Variants in ALK observed in about 807,000 individuals in gnomAD.
ALK encodes the protein ALK tyrosine kinase receptor.
A neutral mutation model predicts 163.1 loss-of-function variants in ALK; 74 were observed. The ratio of observed to expected loss-of-function variants is 0.45; its 90% CI spans 0.38 to 0.55. The LOEUF (loss-of-function observed/expected upper bound fraction) is 0.55. Ranked by LOEUF, ALK falls within the 20% of genes least tolerant of loss-of-function variation. The probability of loss-of-function intolerance (pLI) is 0.00; values close to 1 mark genes in which losing one functional copy is unlikely to be tolerated. For synonymous variants in ALK, 960 were observed against 843.2 expected (o/e 1.14, Z -2.40); for missense variants, 2,063 against 2,105.3 (o/e 0.98, Z 0.39).
At chr2:29,484,178 A>G (rs143312137) in intron 4 of ALK, among the ~76,000 whole-genome samples, 10,712 of 152,210 alleles carry the variant, frequency 0.07, 526 homozygotes, top group Non-Finnish European at 0.11. Flanking sequence ...TTGGGTGGGG[A>G]CACAGCCAAA....
chr2:29,814,008 G>A (rs1298558460), intron 1 of ALK, among the ~76,000 whole-genome samples: 1 of 152,164 alleles, frequency 6.6e-6, no homozygotes, highest in Non-Finnish European at 1.5e-5. Flanking sequence ...TCCAAAGTCT[G>A]GGGCCTGATT....
intron 2 of ALK, among the ~76,000 whole-genome samples, chr2:29,716,864 G>T (rs1170878231): frequency 2.6e-5 from 4 of 151,854 alleles, no homozygotes; most frequent in African/African-American, 9.7e-5. Context: ...CTGATTGTTG[G>T]CTGGGCACGG....
chr2:29,506,115 A>G (rs921035097), intron 4 of ALK, among the ~76,000 whole-genome samples: 2 of 152,166 alleles, frequency 1.3e-5, no homozygotes, highest in Non-Finnish European at 2.9e-5. Flanking sequence ...GTGGGTACAG[A>G]GGCTCTACGT....
chr2:29,729,868 C>T (rs1348451289), intron 1 of ALK, among the ~76,000 whole-genome samples: 1 of 152,116 alleles, frequency 6.6e-6, no homozygotes, highest in East Asian at 1.9e-4. Context: ...TCACCCATAC[C>T]TCCAGCATCC....
chr2:29,355,369 C>A (rs1668222872), intron 5 of ALK, among the ~76,000 whole-genome samples: 2 of 152,174 alleles, frequency 1.3e-5, no homozygotes, highest in Admixed American at 1.3e-4. Context: ...TATGTAATTT[C>A]TCTGGTTCTC....
intron 11 of ALK, among the ~76,000 whole-genome samples, chr2:29,267,139 A>C (rs917007900): frequency 2.0e-5 from 3 of 152,112 alleles, no homozygotes; most frequent in Admixed American, 2.0e-4. Context: ...GCTTTAAAAA[A>C]GTAAGCTGCC....
At chr2:29,804,669 A>G (rs1169196784) in intron 1 of ALK, among the ~76,000 whole-genome samples, 1 of 152,194 alleles carries the variant, frequency 6.6e-6, no homozygotes, top group African/African-American at 2.4e-5. Flanking sequence ...GTCGCAGCCC[A>G]TTAGTCCTAA....
chr2:29,882,625 C>T (rs1318406212), intron 1 of ALK, among the ~76,000 whole-genome samples: 5 of 152,018 alleles, frequency 3.3e-5, no homozygotes, highest in Admixed American at 1.3e-4. Context: ...ACCTGGGAGG[C>T]GGAGGTTGCA....
At chr2:29,297,940 A>G (rs1194990656) in intron 8 of ALK, among the ~76,000 whole-genome samples, 1 of 152,190 alleles carries the variant, frequency 6.6e-6, no homozygotes, top group Non-Finnish European at 1.5e-5. Flanking sequence ...AAGGTAAAAT[A>G]TGTCTTATGG....
At chr2:29,579,779 G>A (rs927954518) in intron 3 of ALK, among the ~76,000 whole-genome samples, 3 of 152,130 alleles carry the variant, frequency 2.0e-5, no homozygotes, top group Admixed American at 1.3e-4. Flanking sequence ...AAATACTTCA[G>A]TCTTGACGAA....
At chr2:29,663,281 T>C (rs561275620) in intron 3 of ALK, among the ~76,000 whole-genome samples, 1 of 152,294 alleles carries the variant, frequency 6.6e-6, no homozygotes, top group Non-Finnish European at 1.5e-5. Context: ...AGTAAAAATG[T>C]CTTCATTACA....
intron 4 of ALK, among the ~76,000 whole-genome samples, chr2:29,482,407 A>G (rs559142050): frequency 1.3e-5 from 2 of 152,332 alleles, no homozygotes; most frequent in African/African-American, 4.8e-5. Context: ...TTCAAGGTGA[A>G]GGAGAACTGA....
At chr2:29,749,840 T>C (rs1680306879) in intron 1 of ALK, among the ~76,000 whole-genome samples, 1 of 152,170 alleles carries the variant, frequency 6.6e-6, no homozygotes, top group Non-Finnish European at 1.5e-5. Flanking sequence ...AGAGAAGAAA[T>C]GAGTTGAGTC....
chr2:29,504,545 G>C (rs1672264229), intron 4 of ALK, among the ~76,000 whole-genome samples: 1 of 152,166 alleles, frequency 6.6e-6, no homozygotes, highest in African/African-American at 2.4e-5. Context: ...GGAGGGGCAA[G>C]TGGGTAAGTG....
intron 2 of ALK, among the ~76,000 whole-genome samples, chr2:29,706,261 A>AG (rs1251598249): frequency 1.3e-5 from 2 of 152,232 alleles, no homozygotes; most frequent in African/African-American, 2.4e-5. Context: ...GCAGGAACCC[A>AG]GGGGGCCTGA....
At chr2:29,868,817 T>C (rs1361242328) in intron 1 of ALK, among the ~76,000 whole-genome samples, 3 of 151,470 alleles carry the variant, frequency 2.0e-5, no homozygotes, top group Non-Finnish European at 4.4e-5. Context: ...TGGACAGACT[T>C]GTGACCGTGG....
chr2:29,826,492 C>G (rs894893610), intron 1 of ALK, among the ~76,000 whole-genome samples: 3 of 151,958 alleles, frequency 2.0e-5, no homozygotes, highest in African/African-American at 7.3e-5. Context: ...ACCAGTCTCT[C>G]TCTCTCTGTC....
intron 3 of ALK, among the ~76,000 whole-genome samples, chr2:29,667,393 A>G (rs1163101276): frequency 6.6e-6 from 1 of 152,048 alleles, no homozygotes; most frequent in African/African-American, 2.4e-5. Flanking sequence ...ACCTTGTTCC[A>G]TTCCTTAGAG....
At chr2:29,904,838 C>A (rs1286362044) in intron 1 of ALK, among the ~76,000 whole-genome samples, 1 of 152,064 alleles carries the variant, frequency 6.6e-6, no homozygotes, top group South Asian at 2.1e-4. Flanking sequence ...AACAAGAAAC[C>A]CACCTTTCTG....
Sources: gnomAD v4.1 joint callset for allele counts (sites outside exome capture counted in the v4.1 genomes callset) on GRCh38, gnomAD v4.1.1 for gene constraint, MANE v1.5 for transcripts, NCBI Gene and HGNC (gene_info 2026-07-23, HGNC 2026-07-21) for gene names.